The following ELMO1 variants were observed in gnomAD, a reference collection of about 807,000 sequenced individuals.
The protein encoded by ELMO1 is engulfment and cell motility 1.
In ELMO1, 26 loss-of-function variants were observed where a neutral mutation model predicts 98.9. The ratio of observed to expected loss-of-function variants is 0.26; its 90% CI spans 0.19 to 0.36. The LOEUF (loss-of-function observed/expected upper bound fraction) is 0.36. ELMO1 is among the 10% of genes least tolerant of loss of function. ELMO1 has a pLI of 1.00. For synonymous variants in ELMO1, 346 were observed against 346.0 expected (o/e 1.00, Z 0.00); for missense variants, 627 against 935.2 (o/e 0.67, Z 4.30).
At chr7:36,973,175 C>A (rs1790127581) in intron 16 of ELMO1, among the ~76,000 whole-genome samples, 1 of 152,226 alleles carries the variant, frequency 6.6e-6, no homozygotes, top group Non-Finnish European at 1.5e-5. Context: ...TTGAGTGGTA[C>A]AACCCAATCC....
Position 37,121,776 on chromosome 7 carries a change from C to T in ELMO1, c.1191+11354G>A, listed in dbSNP as rs576095269. 1.4e-3 allele frequency among the ~76,000 whole-genome samples: 211 copies of T among 152,192 alleles called. 1 individual carries two copies. Among genetic ancestry groups the T allele is most frequent in the African/African-American group, 3.9e-3 (163 of 41,534 alleles). On this transcript the variant is annotated intron_variant, in intron 14 of 21. Coordinates refer to ENST00000310758, the MANE Select transcript of ELMO1 (RefSeq NM_014800.11). Reference sequence around the variant, plus strand: ...ATTCAAATTCAGGAAATACAGAGAACGCCACAAAGATACTCCTCGAGAAGA... The same window carrying T: ...ATTCAAATTCAGGAAATACAGAGAATGCCACAAAGATACTCCTCGAGAAGA...
chr7:37,031,686 G>A (rs535586724), intron 15 of ELMO1, among the ~76,000 whole-genome samples: 64 of 152,158 alleles, frequency 4.2e-4, no homozygotes, highest in African/African-American at 6.3e-4. Flanking sequence ...TTAGGACTAC[G>A]CCTTCTCTGT....
At chr7:37,064,023 A>T (rs906899940) in intron 15 of ELMO1, among the ~76,000 whole-genome samples, 1 of 152,050 alleles carries the variant, frequency 6.6e-6, no homozygotes, top group Non-Finnish European at 1.5e-5. Flanking sequence ...TCCACTTGTC[A>T]TAGTCCTAAC....
At chr7:36,892,263 C>T (rs1350180473) in intron 17 of ELMO1, among the ~76,000 whole-genome samples, 1 of 152,158 alleles carries the variant, frequency 6.6e-6, no homozygotes, top group Non-Finnish European at 1.5e-5. Context: ...CACTGGTGGT[C>T]AGGCCCCAGC....
At chr7:37,445,168 G>A (rs988658769) in intron 1 of ELMO1, among the ~76,000 whole-genome samples, 2 of 152,134 alleles carry the variant, frequency 1.3e-5, no homozygotes, top group Non-Finnish European at 2.9e-5. Context: ...ATCATGATCC[G>A]CTCATGGGTT....
rs776108254 is a variant in ELMO1 at position 36,870,559 on chromosome 7, C to T, written c.1823-84G>A. On this transcript the variant is annotated intron_variant, in intron 19 of 21. Coordinates refer to ENST00000310758, the MANE Select transcript of ELMO1 (RefSeq NM_014800.11). This position sits in a 1 kb window ranked among gnomAD's most constrained non-coding sequence, Gnocchi z 4.4. Reference sequence around the variant, plus strand: ...AAAGAAACAGGACTAAGCACTGGGTCCGCTACTGTGGTTACCATTCCCAGA... The same window carrying T: ...AAAGAAACAGGACTAAGCACTGGGTTCGCTACTGTGGTTACCATTCCCAGA... The T allele has an allele frequency of 2.1e-4, 280 of 1,320,466 alleles. No homozygotes were observed. Among genetic ancestry groups the T allele is most frequent in the Non-Finnish European group, 2.7e-4 (260 of 946,546 alleles). The allele number at this position is 1,320,466 out of a possible 1,614,324, so 81.8% of individuals were successfully genotyped here. A position where few individuals can be genotyped will look rare whatever the true frequency, so the allele number is the denominator to read the frequency against.
intron 15 of ELMO1, among the ~76,000 whole-genome samples, chr7:37,086,358 G>GTC (rs1783774267): frequency 6.6e-6 from 1 of 151,792 alleles, no homozygotes; most frequent in Non-Finnish European, 1.5e-5. Flanking sequence ...GTGTGTGTGT[G>GTC]TGTGTGTGTG....
intron 2 of ELMO1, among the ~76,000 whole-genome samples, chr7:37,329,707 G>A (rs1222285868): frequency 6.6e-6 from 1 of 152,118 alleles, no homozygotes; most frequent in Non-Finnish European, 1.5e-5. Flanking sequence ...TATCTTGGCA[G>A]GTGTCACCAA....
intron 16 of ELMO1, among the ~76,000 whole-genome samples, chr7:36,919,011 CAGTT>C (rs1326563834): frequency 6.6e-6 from 1 of 152,008 alleles, no homozygotes; most frequent in East Asian, 1.9e-4. Context: ...GTCAGTCAGT[CAGTT>C]GGCACTTGGG....
chr7:36,902,391 CTGAAGGGG>C (rs1437117026), intron 16 of ELMO1, among the ~76,000 whole-genome samples: 1 of 152,188 alleles, frequency 6.6e-6, no homozygotes, highest in African/African-American at 2.4e-5. Context: ...GAGCATCTGT[CTGAAGGGG>C]TGATGAGACC....
In ELMO1 at chr7:36,950,231, T is replaced by A. The variant is rs1787859274; in HGVS notation, c.1438-55214A>T. Among the ~76,000 whole-genome samples, 5 of 152,206 alleles carry A rather than the reference T, an allele frequency of 3.3e-5. No individual in the cohort carries two copies. The South Asian group carries it at 1.0e-3, about 31-fold the overall frequency. ...TGACTGGGTGGATTGACTGGCATGC[T>A]CATTATTAACATCTGTGAGAGACAG... is the stretch of plus-strand genomic sequence containing the variant. On this transcript the variant is annotated intron_variant, in intron 16 of 21. Coordinates refer to ENST00000310758, the MANE Select transcript of ELMO1 (RefSeq NM_014800.11).
intron 15 of ELMO1, among the ~76,000 whole-genome samples, chr7:37,060,604 C>T (rs1796616617): frequency 6.6e-6 from 1 of 152,050 alleles, no homozygotes; most frequent in Non-Finnish European, 1.5e-5. Flanking sequence ...ATGCAATTTA[C>T]CCATGTAACA....
intron 4 of ELMO1, among the ~76,000 whole-genome samples, chr7:37,313,692 CCTT>C (rs1317139954): frequency 1.3e-5 from 2 of 152,188 alleles, no homozygotes; most frequent in Non-Finnish European, 2.9e-5. Context: ...TGCCCTCCCT[CCTT>C]CTTTGGGGTA....
In ELMO1 at chr7:36,973,337, A is replaced by G. The variant is rs575842732; in HGVS notation, c.1437+39962T>C. ...AGTACAGGGAAAATTTTTCTGATCTATATAACTGAGGCCTGACATTTAGGA... is the reference window on the plus strand; with the variant it reads ...AGTACAGGGAAAATTTTTCTGATCTGTATAACTGAGGCCTGACATTTAGGA... On this transcript the variant is annotated intron_variant, in intron 16 of 21. Transcript: ENST00000310758. Among the ~76,000 whole-genome samples the G allele has an allele frequency of 5.3e-5, 8 of 152,312 alleles. No individual in the cohort carries two copies. The East Asian group carries it at 1.2e-3, about 22-fold the overall frequency.
At chr7:36,930,735 T>G (rs1785969718) in intron 16 of ELMO1, among the ~76,000 whole-genome samples, 1 of 152,200 alleles carries the variant, frequency 6.6e-6, no homozygotes. Context: ...CCTCCCTTAG[T>G]GAGAAAGTCT....
intron 1 of ELMO1, among the ~76,000 whole-genome samples, chr7:37,421,316 T>C (rs976315670): frequency 6.6e-6 from 1 of 152,232 alleles, no homozygotes; most frequent in Non-Finnish European, 1.5e-5. Flanking sequence ...TTCATCCAGT[T>C]TGACGTTCTT....
At chr7:37,060,652 A>C (rs1235073018) in intron 15 of ELMO1, among the ~76,000 whole-genome samples, 1 of 136,244 alleles carries the variant, frequency 7.3e-6, no homozygotes, top group Non-Finnish European at 1.5e-5. Flanking sequence ...AAAGTCCAAA[A>C]ATAAATAAAT....
chr7:37,318,434 G>A (rs919922530), intron 2 of ELMO1, among the ~76,000 whole-genome samples: 3 of 152,140 alleles, frequency 2.0e-5, no homozygotes, highest in African/African-American at 7.2e-5. Context: ...TGAGGTAGGA[G>A]AAGGCATCAA....
Position 37,063,864 on chromosome 7 carries a change from C to T in ELMO1, c.1300+32755G>A, listed in dbSNP as rs577199703. Among the ~76,000 whole-genome samples the T allele has an allele frequency of 3.7e-4, 56 of 152,244 alleles. 1 individual carries two copies. The Middle Eastern group carries it at 0.024, about 65-fold the overall frequency. On this transcript the variant is annotated intron_variant, in intron 15 of 21. Transcript: ENST00000310758. ...AGTACCACTGCTGTAGTTCTTCAAC[C>T]GGGGCAAAACCGCAAGTTCAACCAG...
Sources: gnomAD v4.1 joint callset for allele counts (sites outside exome capture counted in the v4.1 genomes callset) on GRCh38, gnomAD v4.1.1 for gene constraint, Gnocchi (gnomAD v3.1) non-coding constraint, MANE v1.5 for transcripts, NCBI Gene and HGNC (gene_info 2026-07-23, HGNC 2026-07-21) for gene names.